The following HPSE2 variants were observed in gnomAD, a reference collection of about 807,000 sequenced individuals.
HPSE2 encodes the protein inactive heparanase-2.
A neutral mutation model predicts 60.5 loss-of-function variants in HPSE2; 38 were observed. The observed-to-expected ratio is 0.63, with a 90% CI of 0.48 to 0.82. The LOEUF is 0.82. HPSE2 is among the 40% of genes least tolerant of loss of function. HPSE2 has a pLI of 0.00. For missense variants in HPSE2, 713 were observed against 740.4 expected (o/e 0.96, Z 0.43); for synonymous variants, 295 against 293.2 (o/e 1.01, Z -0.06).
At chr10:99,237,762 G>A (rs1849898024), upstream of HPSE2, among the ~76,000 whole-genome samples, 1 of 152,186 alleles carries the variant, frequency 6.6e-6, no homozygotes, top group South Asian at 2.1e-4. Flanking sequence ...GGTGTGTGGT[G>A]TGACATAAAT....
the HPSE2 span, among the ~76,000 whole-genome samples, chr10:99,277,373 T>C: frequency 6.6e-6 from 1 of 152,190 alleles, no homozygotes; most frequent in East Asian, 1.9e-4. Context: ...AACCAACAAG[T>C]AAAAAGTAAA....
chr10:99,039,959 G>A (rs1957699770), intron 3 of HPSE2, among the ~76,000 whole-genome samples: 1 of 152,128 alleles, frequency 6.6e-6, no homozygotes, highest in Non-Finnish European at 1.5e-5. Flanking sequence ...AAGTACAAAT[G>A]TCTACCTTCA....
At chr10:99,042,208 G>A (rs1468999361) in intron 3 of HPSE2, among the ~76,000 whole-genome samples, 5 of 152,020 alleles carry the variant, frequency 3.3e-5, no homozygotes, top group East Asian at 3.9e-4. Flanking sequence ...TTCCTGCACC[G>A]ACAGCACACC....
chr10:98,570,987 G>C (rs967171257), intron 9 of HPSE2, among the ~76,000 whole-genome samples: 6 of 152,192 alleles, frequency 3.9e-5, no homozygotes, highest in African/African-American at 1.4e-4. Context: ...TGGTCTCGCT[G>C]AGGGCAGTGG....
Position 98,985,340 on chromosome 10 carries a change from C to T in HPSE2, c.610+158898G>A, listed in dbSNP as rs1433186374. Among the ~76,000 whole-genome samples, 6 of 152,218 alleles carry T rather than the reference C, an allele frequency of 3.9e-5. No homozygotes were observed. The South Asian group carries it at 1.0e-3, about 26-fold the overall frequency. ...GAAGAGAGTGGGGGCCAATATTCAA[C>T]ATTCTTAAAGAAAAGAATTTTTAAC... On this transcript the variant is annotated intron_variant, in intron 3 of 11. Transcript: ENST00000370552.
chr10:99,120,322 T>C (rs1308105517), intron 3 of HPSE2, among the ~76,000 whole-genome samples: 1 of 152,048 alleles, frequency 6.6e-6, no homozygotes, highest in African/African-American at 2.4e-5. Flanking sequence ...TGGCCAATAA[T>C]CCTATGAAAA....
At chr10:99,267,090 G>T in the HPSE2 span, among the ~76,000 whole-genome samples, 1 of 151,908 alleles carries the variant, frequency 6.6e-6, no homozygotes, top group Non-Finnish European at 1.5e-5. Context: ...ACAAAACAAG[G>T]TTCTTTAACA....
chr10:98,472,196 A>G (rs1239138529), intron 11 of HPSE2, among the ~76,000 whole-genome samples: 1 of 151,684 alleles, frequency 6.6e-6, no homozygotes, highest in African/African-American at 2.4e-5. Flanking sequence ...TTATAAATAT[A>G]TATATATACT....
chr10:98,689,518 A>G (rs1948018412), intron 6 of HPSE2, among the ~76,000 whole-genome samples: 1 of 152,140 alleles, frequency 6.6e-6, no homozygotes, highest in Non-Finnish European at 1.5e-5. Flanking sequence ...CCATAACTCT[A>G]TGAATATATA....
intron 3 of HPSE2, among the ~76,000 whole-genome samples, chr10:98,965,898 T>C (rs1250593291): frequency 6.6e-6 from 1 of 152,004 alleles, no homozygotes; most frequent in Admixed American, 6.6e-5. Flanking sequence ...CTTTTTTTTT[T>C]CTTTTTTTTG....
intron 3 of HPSE2, among the ~76,000 whole-genome samples, chr10:98,832,212 G>A (rs1421333217): frequency 1.3e-5 from 2 of 152,182 alleles, no homozygotes; most frequent in Admixed American, 6.5e-5. Flanking sequence ...AGCAGCATGG[G>A]TTAAATCCAG....
At chr10:99,052,682 T>C (rs975308293) in intron 3 of HPSE2, among the ~76,000 whole-genome samples, 1 of 151,718 alleles carries the variant, frequency 6.6e-6, no homozygotes, top group South Asian at 2.1e-4. Flanking sequence ...AAATGACACA[T>C]CACATATAAA....
At chr10:99,096,473 T>C (rs1354062468) in intron 3 of HPSE2, among the ~76,000 whole-genome samples, 1 of 152,170 alleles carries the variant, frequency 6.6e-6, no homozygotes, top group Non-Finnish European at 1.5e-5. Flanking sequence ...TGTCGAACAA[T>C]GTTCCCAAAG....
At chr10:99,103,454 C>A (rs1020911592) in intron 3 of HPSE2, among the ~76,000 whole-genome samples, 1 of 152,004 alleles carries the variant, frequency 6.6e-6, no homozygotes, top group African/African-American at 2.4e-5. Context: ...TCAAGGAGAA[C>A]TACAAACCAC....
At chr10:98,656,082 GTT>G (rs34294462) in intron 6 of HPSE2, among the ~76,000 whole-genome samples, 27 of 140,790 alleles carry the variant, frequency 1.9e-4, no homozygotes, top group African/African-American at 2.6e-4. Context: ...TCCTATTTGA[GTT>G]TTTTTTTTTT....
In HPSE2 at chr10:98,915,970, T is replaced by A. The variant is rs552805471; in HGVS notation, c.611-171914A>T. Reference sequence around the variant, plus strand: ...ACTTTGTATGACTTTTTTTTCCACATAGGATTCACAACATTCCTCAGAAAA... The same window carrying A: ...ACTTTGTATGACTTTTTTTTCCACAAAGGATTCACAACATTCCTCAGAAAA... On this transcript the variant is annotated intron_variant, in intron 3 of 11. Coordinates refer to ENST00000370552, the MANE Select transcript of HPSE2 (RefSeq NM_021828.5). Among the ~76,000 whole-genome samples, 11 of 152,314 alleles carry A rather than the reference T, an allele frequency of 7.2e-5. No homozygotes were observed. In the East Asian group the frequency reaches 1.4e-3, roughly 19 times the overall value.
At position 98,721,507 on chromosome 10, in the gene HPSE2, T is replaced by C. The variant is rs531961585; in HGVS notation, c.956+150A>G. 2.3e-4 allele frequency: 162 copies of C among 708,906 alleles called. 1 individual carries two copies. In the East Asian group the frequency reaches 4.2e-3, roughly 18 times the overall value. The allele number at this position is 708,906 out of a possible 1,614,324, so 43.9% of individuals were successfully genotyped here. A position where few individuals can be genotyped will look rare whatever the true frequency, so the allele number is the denominator to read the frequency against. ...TGAGAAAGATGGAGAATCTCTGTCT[T>C]AGAGTGGGTGAAGCCACTATGGAAA... On this transcript the variant is annotated intron_variant, in intron 5 of 11. Coordinates refer to ENST00000370552, the MANE Select transcript of HPSE2 (RefSeq NM_021828.5).
chr10:98,979,300 C>G (rs555031198), intron 3 of HPSE2, among the ~76,000 whole-genome samples: 1 of 151,984 alleles, frequency 6.6e-6, no homozygotes, highest in Non-Finnish European at 1.5e-5. Flanking sequence ...TAATTGATAC[C>G]AGAGGCCACA....
intron 3 of HPSE2, among the ~76,000 whole-genome samples, chr10:98,857,157 T>C (rs564998726): frequency 1.1e-4 from 17 of 152,260 alleles, no homozygotes; most frequent in Admixed American, 1.0e-3. Context: ...TTGGGGTCTT[T>C]GGGCTAATTC....
Sources: gnomAD v4.1 joint callset for allele counts (sites outside exome capture counted in the v4.1 genomes callset) on GRCh38, gnomAD v4.1.1 for gene constraint, MANE v1.5 for transcripts, NCBI Gene and HGNC (gene_info 2026-07-23, HGNC 2026-07-21) for gene names.